The following RNF212B variants were observed in gnomAD, a reference collection of about 807,000 sequenced individuals.
The protein encoded by RNF212B is ring finger protein 212B, also known as E3 ubiquitin-protein ligase RNF212B.
RNF212B carries 52 observed loss-of-function variants against 55.5 expected under a neutral mutation model. That is an observed-to-expected ratio of 0.94 (90% CI 0.75 to 1.18). RNF212B has a LOEUF of 1.18. Ranked by LOEUF, RNF212B falls within the 50% of genes most tolerant of loss-of-function variation. RNF212B has a pLI of 0.00. For synonymous variants in RNF212B, 99 were observed against 121.4 expected (o/e 0.82, Z 1.21); for missense variants, 289 against 350.4 (o/e 0.82, Z 1.40).
chr14:23,215,098 T>C (rs1472293186), intron 2 of RNF212B, among the ~76,000 whole-genome samples: 4 of 152,202 alleles, frequency 2.6e-5, no homozygotes, highest in Admixed American at 1.3e-4. Flanking sequence ...GATTGGATCA[T>C]GCGGGCAGTT....
chr14:23,237,131 A>ATTTTT (rs35099689), upstream of RNF212B, among the ~76,000 whole-genome samples: 1 of 140,622 alleles, frequency 7.1e-6, no homozygotes, highest in Non-Finnish European at 1.5e-5. Context: ...CACCCGGCTA[A>ATTTTT]TTTTTTTTTT....
At chr14:23,235,267 T>C (rs1233775303), upstream of RNF212B, among the ~76,000 whole-genome samples, 1 of 151,832 alleles carries the variant, frequency 6.6e-6, no homozygotes, top group Non-Finnish European at 1.5e-5. Context: ...GAAGGATCCC[T>C]TGAGCCCAGG....
At chr14:23,214,451 G>A (rs1002072237) in intron 2 of RNF212B, among the ~76,000 whole-genome samples, 29 of 151,956 alleles carry the variant, frequency 1.9e-4, no homozygotes, top group East Asian at 5.8e-4. Context: ...CCCAAATTGC[G>A]CCAATGTACT....
intron 7 of RNF212B, chr14:23,261,274 A>G: frequency 1.1e-5 from 2 of 188,924 alleles, no homozygotes; most frequent in South Asian, 2.0e-4. Context: ...GTTTGGACCA[A>G]TCTAAGCATG....
intron 2 of RNF212B, among the ~76,000 whole-genome samples, chr14:23,216,291 G>T (rs112806216): frequency 0.013 from 1,919 of 151,842 alleles, 37 homozygotes; most frequent in African/African-American, 0.042. Context: ...TATACAAGAT[G>T]ATACATTCCA....
At chr14:23,263,712 A>T (rs1409284282) in intron 9 of RNF212B, among the ~76,000 whole-genome samples, 1 of 152,262 alleles carries the variant, frequency 6.6e-6, no homozygotes, top group Admixed American at 6.5e-5. Context: ...CCATCAATCC[A>T]GCTTCGGAGA....
At chr14:23,259,016 TA>T (rs112942248) in intron 5 of RNF212B, among the ~76,000 whole-genome samples, 220 of 143,310 alleles carry the variant, frequency 1.5e-3, no homozygotes, top group Non-Finnish European at 1.8e-3. Flanking sequence ...ACTCTGTTTC[TA>T]AAAAAAAAAA....
chr14:23,218,367 CAAA>C (rs35628249), intron 2 of RNF212B, among the ~76,000 whole-genome samples: 2 of 94,174 alleles, frequency 2.1e-5, no homozygotes, highest in African/African-American at 3.7e-5. Context: ...GAGTCTATCT[CAAA>C]AAAAAAAATA....
At chr14:23,241,423 T>TTTTTG (rs1204451205) in intron 2 of RNF212B, among the ~76,000 whole-genome samples, 3 of 151,166 alleles carry the variant, frequency 2.0e-5, no homozygotes, top group Non-Finnish European at 4.4e-5. Context: ...CCTGTGGGAG[T>TTTTTG]TTTTGTTTTG....
intron 2 of RNF212B, among the ~76,000 whole-genome samples, chr14:23,208,915 C>T (rs71413972): frequency 0.25 from 37,151 of 150,136 alleles, 5,808 homozygotes; most frequent in African/African-American, 0.43. Context: ...CCCGCCACTA[C>T]GCCTGGCTAA....
chr14:23,238,830 A>G (rs896299135), intron 1 of RNF212B, among the ~76,000 whole-genome samples: 3 of 151,702 alleles, frequency 2.0e-5, no homozygotes, highest in African/African-American at 7.3e-5. Flanking sequence ...TATTTAACAA[A>G]GTATATGAAA....
At chr14:23,216,844 C>T (rs987562154) in intron 2 of RNF212B, among the ~76,000 whole-genome samples, 3 of 121,122 alleles carry the variant, frequency 2.5e-5, no homozygotes, top group Middle Eastern at 8.3e-3. Context: ...TGCCCTACTG[C>T]ATCCTAGTGT....
intron 2 of RNF212B, among the ~76,000 whole-genome samples, chr14:23,223,842 TAA>T (rs1881781276): frequency 6.6e-6 from 1 of 152,156 alleles, no homozygotes; most frequent in Non-Finnish European, 1.5e-5. Context: ...TAGAAAAACT[TAA>T]AGACTCCACC....
intron 2 of RNF212B, among the ~76,000 whole-genome samples, chr14:23,219,868 C>T (rs1423424734): frequency 6.6e-6 from 1 of 152,014 alleles, no homozygotes; most frequent in East Asian, 1.9e-4. Context: ...GCAAGCCTCA[C>T]GATAACCTCA....
upstream of RNF212B, among the ~76,000 whole-genome samples, chr14:23,234,879 C>T (rs1303651709): frequency 2.0e-5 from 3 of 151,896 alleles, no homozygotes; most frequent in Admixed American, 6.6e-5. Flanking sequence ...AATTTGAGAC[C>T]AGCCTGGGCA....
chr14:23,265,628 G>A (rs1885635519), intron 11 of RNF212B, among the ~76,000 whole-genome samples: 1 of 152,064 alleles, frequency 6.6e-6, no homozygotes, highest in African/African-American at 2.4e-5. Context: ...ATTTATTTCT[G>A]TCAGGTTGGT....
At chr14:23,211,336 T>C (rs1035499785) in intron 2 of RNF212B, among the ~76,000 whole-genome samples, 4 of 152,196 alleles carry the variant, frequency 2.6e-5, no homozygotes, top group Non-Finnish European at 4.4e-5. Flanking sequence ...TAAATATCTC[T>C]ATACCTATTA....
intron 4 of RNF212B, among the ~76,000 whole-genome samples, chr14:23,245,561 A>T (rs927034377): frequency 6.6e-6 from 1 of 152,208 alleles, no homozygotes; most frequent in Non-Finnish European, 1.5e-5. Flanking sequence ...TCAGTTAATC[A>T]TCACTTTAGT....
chr14:23,222,827 G>A (rs2140407875), intron 2 of RNF212B, among the ~76,000 whole-genome samples: 1 of 152,062 alleles, frequency 6.6e-6, no homozygotes, highest in Admixed American at 6.6e-5. Context: ...CTGAGGCGGG[G>A]GGATCATCTG....
Sources: gnomAD v4.1 joint callset for allele counts (sites outside exome capture counted in the v4.1 genomes callset) on GRCh38, gnomAD v4.1.1 for gene constraint, MANE v1.5 for transcripts, NCBI Gene and HGNC (gene_info 2026-07-23, HGNC 2026-07-21) for gene names.